The following EBF2 variants were observed in gnomAD, a reference collection of about 807,000 sequenced individuals.
The protein encoded by EBF2 is transcription factor COE2.
EBF2 carries 21 observed loss-of-function variants against 72.8 expected under a neutral mutation model. That is an observed-to-expected ratio of 0.29 (90% CI 0.20 to 0.42). The LOEUF is 0.42. Among genes scored for constraint, EBF2 ranks in the 10% least tolerant of loss-of-function variants. The probability of loss-of-function intolerance (pLI) is 1.00; values close to 1 mark genes in which losing one functional copy is unlikely to be tolerated. For synonymous variants in EBF2, 299 were observed against 274.2 expected, an observed-to-expected ratio of 1.09 and a Z score of -0.89; for missense variants, 637 against 731.2, an observed-to-expected ratio of 0.87 and a Z score of 1.49.
At chr8:25,904,199 C>T (rs1372319765) in intron 7 of EBF2, among the ~76,000 whole-genome samples, 7 of 130,892 alleles carry the variant, frequency 5.3e-5, no homozygotes. Context: ...GGGATACAGA[C>T]TATAGCTTTT....
chr8:25,945,954 A>C (rs1803762190), intron 6 of EBF2, among the ~76,000 whole-genome samples: 2 of 152,144 alleles, frequency 1.3e-5, no homozygotes, highest in Admixed American at 1.3e-4. Context: ...AAGGAGTTGG[A>C]ACTGGAAGGA....
chr8:25,974,574 C>A (rs1804238122), intron 6 of EBF2, among the ~76,000 whole-genome samples: 1 of 151,986 alleles, frequency 6.6e-6, no homozygotes, highest in Non-Finnish European at 1.5e-5. Flanking sequence ...GTGGACTAAA[C>A]AAAAAACTGA....
intron 6 of EBF2, 109 bp from the exon 7 acceptor site, chr8:25,908,664 G>A (rs997039659): frequency 3.2e-5 from 25 of 787,846 alleles, no homozygotes; most frequent in Non-Finnish European, 4.7e-5. Context: ...TCAGATCTGG[G>A]GAATTTCAAC....
chr8:26,028,509 A>G (rs1299391248), intron 6 of EBF2, among the ~76,000 whole-genome samples: 1 of 152,162 alleles, frequency 6.6e-6, no homozygotes, highest in Non-Finnish European at 1.5e-5. Context: ...GGGGCTGACA[A>G]GGACAGGAAC....
intron 5 of EBF2, 87 bp from the exon 6 acceptor site, chr8:26,033,240 C>T: frequency 1.5e-6 from 2 of 1,348,316 alleles, no homozygotes; most frequent in Non-Finnish European, 2.1e-6. Context: ...TTTTTTCCCC[C>T]CAGACAGAGT....
chr8:25,973,963 C>T (rs1804228813), intron 6 of EBF2, among the ~76,000 whole-genome samples: 1 of 152,186 alleles, frequency 6.6e-6, no homozygotes, highest in South Asian at 2.1e-4. Context: ...CAGGTGTGAG[C>T]CACCACACCC....
chr8:25,855,850 A>G (rs1226293096), intron 14 of EBF2, among the ~76,000 whole-genome samples: 1 of 152,146 alleles, frequency 6.6e-6, no homozygotes, highest in Non-Finnish European at 1.5e-5. Flanking sequence ...GGTGCAAACC[A>G]CCACACCAGA....
intron 6 of EBF2, among the ~76,000 whole-genome samples, chr8:25,958,116 G>T (rs1803978006): frequency 6.6e-6 from 1 of 152,124 alleles, no homozygotes; most frequent in Non-Finnish European, 1.5e-5. Flanking sequence ...CTCTCCAGAG[G>T]CATCCCGGTT....
chr8:26,040,053 G>C lies in EBF2; in HGVS notation c.457C>G (p.Leu153Val). 3 of 1,614,070 alleles carry C rather than the reference G, an allele frequency of 1.9e-6. No homozygotes were observed. The highest frequency in any genetic ancestry group is 2.5e-6 in the Non-Finnish European group (3 of 1,179,976). Residue 153 changes from leucine to valine, a missense_variant, in exon 5 of 16, where the codon CTC (leucine) becomes GTC (valine). Leu to Val is a conservative substitution (Grantham distance 32, BLOSUM62 1). Coordinates refer to ENST00000520164, the MANE Select transcript of EBF2 (RefSeq NM_022659.4). ...QNKNPEMCRV[L>V]LTHEVMCSRC... ...CTACACATCACTTCGTGCGTCAGGAGAACTCGGCACATTTCCGGATTCTTA... is the reference window on the plus strand; with the variant it reads ...CTACACATCACTTCGTGCGTCAGGACAACTCGGCACATTTCCGGATTCTTA...
chr8:25,953,790 T>A (rs1803899867), intron 6 of EBF2, among the ~76,000 whole-genome samples: 1 of 152,194 alleles, frequency 6.6e-6, no homozygotes, highest in South Asian at 2.1e-4. Flanking sequence ...TGAATGACAG[T>A]CCCTAGTTAG....
intron 14 of EBF2, among the ~76,000 whole-genome samples, chr8:25,857,021 C>CAGT (rs1802108242): frequency 3.3e-5 from 5 of 152,098 alleles, no homozygotes; most frequent in Non-Finnish European, 7.4e-5. Flanking sequence ...AATAATTCCC[C>CAGT]CAAACACTTT....
chr8:26,015,149 GA>G (rs1334827249), intron 6 of EBF2, among the ~76,000 whole-genome samples: 1 of 152,124 alleles, frequency 6.6e-6, no homozygotes, highest in Non-Finnish European at 1.5e-5. Flanking sequence ...ATTCCACCAG[GA>G]AAAGGTCATG....
rs77100668 is a variant in EBF2, at chr8:25,914,195, G to A, written c.552-5640C>T. Among the ~76,000 whole-genome samples, 1,455 of 152,314 alleles carry A rather than the reference G, an allele frequency of 9.6e-3. 25 individuals are homozygous for A. Among genetic ancestry groups the A allele is most frequent in the African/African-American group, 0.033 (1,386 of 41,558 alleles). ...CCCTCATAGCAACTCACTCTGCTTC[G>A]TATGGTAAGAAAACTCGCAAGTGAT... On this transcript the variant is annotated intron_variant, in intron 6 of 15. Coordinates refer to ENST00000520164, the MANE Select transcript of EBF2 (RefSeq NM_022659.4).
At chr8:26,043,956 A>T (rs1452310246) in intron 1 of EBF2, among the ~76,000 whole-genome samples, 1 of 152,162 alleles carries the variant, frequency 6.6e-6, no homozygotes. Context: ...CACAAAGTCA[A>T]CTTCAGGGAT....
At position 25,843,441 on chromosome 8, in the gene EBF2, T is replaced by G. The variant is rs1801771513; in HGVS notation, c.*1168A>C. ...CCGTGTTGCTGAAGTTCTATGGGGCTGTGTACCTCTGTACTGAACCAGGCA... is the reference window on the plus strand; with the variant it reads ...CCGTGTTGCTGAAGTTCTATGGGGCGGTGTACCTCTGTACTGAACCAGGCA... On this transcript the variant is annotated 3_prime_UTR_variant, in exon 16 of 16. Coordinates refer to ENST00000520164, the MANE Select transcript of EBF2 (RefSeq NM_022659.4). 6.6e-6 allele frequency: 1 copy of G among 152,258 alleles called. No homozygotes were observed. Among genetic ancestry groups the G allele is most frequent in the South Asian group, 2.1e-4 (1 of 4,820 alleles). The allele number at this position is 152,258 out of a possible 1,614,324, so 9.4% of individuals were successfully genotyped here.
intron 14 of EBF2, among the ~76,000 whole-genome samples, chr8:25,852,737 C>G (rs1159450229): frequency 2.0e-5 from 3 of 152,048 alleles, no homozygotes; most frequent in African/African-American, 2.4e-5. Context: ...TGTAAAAATG[C>G]CAAAATGCAT....
At chr8:25,975,224 G>C (rs1473383968) in intron 6 of EBF2, among the ~76,000 whole-genome samples, 1 of 152,064 alleles carries the variant, frequency 6.6e-6, no homozygotes, top group Non-Finnish European at 1.5e-5. Flanking sequence ...AGGGACTACA[G>C]GGGAAAATGA....
At chr8:25,984,362 G>C (rs1475894832) in intron 6 of EBF2, among the ~76,000 whole-genome samples, 1 of 149,764 alleles carries the variant, frequency 6.7e-6, no homozygotes, top group Non-Finnish European at 1.5e-5. Flanking sequence ...CATTTACAAG[G>C]CACAGAGCCT....
chr8:26,040,884 C>A (rs760100293), intron 3 of EBF2, 55 bp downstream of exon 3: 3 of 1,608,838 alleles, frequency 1.9e-6, no homozygotes, highest in Admixed American at 1.7e-5. Flanking sequence ...TCAGCGCGTG[C>A]GGCCCGGAAG....
Sources: gnomAD v4.1 joint callset for allele counts (sites outside exome capture counted in the v4.1 genomes callset) on GRCh38, gnomAD v4.1.1 for gene constraint, MANE v1.5 for transcripts, NCBI Gene and HGNC (gene_info 2026-07-23, HGNC 2026-07-21) for gene names.